ZC3H3: variants seen among roughly 807,000 people sequenced by gnomAD.
The protein encoded by ZC3H3 is zinc finger CCCH-type containing 3, also known as zinc finger CCCH domain-containing protein 3.
Under a neutral mutation model 77.3 loss-of-function variants are expected in ZC3H3, and 36 were observed. The ratio of observed to expected loss-of-function variants is 0.47; its 90% confidence interval spans 0.36 to 0.61. ZC3H3 has a LOEUF of 0.61. ZC3H3 is among the 20% of genes least tolerant of loss of function. The pLI is 0.00. For missense variants in ZC3H3, 1,331 were observed against 1,312.2 expected (o/e 1.01, Z -0.22); for synonymous variants, 626 against 555.2 (o/e 1.13, Z -1.79).
intron 3 of ZC3H3, among the ~76,000 whole-genome samples, chr8:143,516,290 G>A (rs935638651): frequency 2.6e-5 from 4 of 152,152 alleles, no homozygotes; most frequent in African/African-American, 4.8e-5. Flanking sequence ...GACCTCAAAC[G>A]CTGCAGACAG....
At chr8:143,513,357 C>T (rs966874380) in intron 3 of ZC3H3, among the ~76,000 whole-genome samples, 3 of 152,174 alleles carry the variant, frequency 2.0e-5, no homozygotes, top group Non-Finnish European at 4.4e-5. Flanking sequence ...AAGTTCCAGA[C>T]CAGCCGACAA....
intron 9 of ZC3H3, among the ~76,000 whole-genome samples, chr8:143,450,665 T>C (rs528103152): frequency 2.2e-4 from 33 of 151,730 alleles, no homozygotes; most frequent in African/African-American, 7.3e-4. Flanking sequence ...GAGCAGGAGG[T>C]CGAGAGAGGG....
At chr8:143,536,861 G>A (rs1352913661) in intron 2 of ZC3H3, among the ~76,000 whole-genome samples, 1 of 152,182 alleles carries the variant, frequency 6.6e-6, no homozygotes, top group Non-Finnish European at 1.5e-5. Context: ...AAGCCCCTCA[G>A]TAAGGGGGCA....
intron 8 of ZC3H3, among the ~76,000 whole-genome samples, chr8:143,467,824 T>TC (rs1820453609): frequency 1.1e-5 from 1 of 87,602 alleles, no homozygotes; most frequent in Non-Finnish European, 2.3e-5. Context: ...ACATACAGCT[T>TC]CCCCCCTCCT....
chr8:143,472,806 G>T (rs530408706), intron 5 of ZC3H3, among the ~76,000 whole-genome samples: 17 of 152,332 alleles, frequency 1.1e-4, no homozygotes, highest in African/African-American at 3.8e-4. Context: ...CACGGTGCAG[G>T]GAGAATCCCA....
At chr8:143,503,556 C>A (rs1194197200) in intron 4 of ZC3H3, among the ~76,000 whole-genome samples, 4 of 149,932 alleles carry the variant, frequency 2.7e-5, no homozygotes, top group Non-Finnish European at 1.5e-5. Flanking sequence ...CCAGCCATCT[C>A]CCCAACACCT....
At chr8:143,438,219 T>A (rs1296008783) in intron 11 of ZC3H3, 132 bp from the exon 12 acceptor site, 3 of 1,166,054 alleles carry the variant, frequency 2.6e-6, no homozygotes, top group Admixed American at 4.1e-5. Context: ...TCTGCAGAGA[T>A]ACCCTCCTGA....
At chr8:143,510,201 A>C (rs1346942390) in intron 3 of ZC3H3, among the ~76,000 whole-genome samples, 1 of 152,206 alleles carries the variant, frequency 6.6e-6, no homozygotes, top group Non-Finnish European at 1.5e-5. Context: ...CAGCCCACTC[A>C]GGCTGGGCAG....
intron 4 of ZC3H3, among the ~76,000 whole-genome samples, chr8:143,483,873 A>G (rs139974372): frequency 0.026 from 3,995 of 152,284 alleles, 173 homozygotes; most frequent in African/African-American, 0.091. Context: ...GGGCTCCGGC[A>G]CCATGGCCAG....
At chr8:143,497,229 C>A (rs1821377308) in intron 4 of ZC3H3, among the ~76,000 whole-genome samples, 1 of 152,308 alleles carries the variant, frequency 6.6e-6, no homozygotes, top group African/African-American at 2.4e-5. Context: ...AGGAGCCACA[C>A]AACTATTCTC....
intron 4 of ZC3H3, among the ~76,000 whole-genome samples, chr8:143,507,373 A>G (rs1821734429): frequency 6.6e-6 from 1 of 152,220 alleles, no homozygotes; most frequent in South Asian, 2.1e-4. Context: ...AGCCTCTCCC[A>G]CCAGAAGCTT....
At chr8:143,541,264 G>T in intron 1 of ZC3H3, 112 bp downstream of exon 1, 1 of 1,553,610 alleles carries the variant, frequency 6.4e-7, no homozygotes, top group Non-Finnish European at 8.7e-7. Flanking sequence ...CACCCCAGCC[G>T]CCACCCAGAA....
At chr8:143,475,256 T>C (rs1436981087) in intron 5 of ZC3H3, 142 bp downstream of exon 5, 3 of 1,048,488 alleles carry the variant, frequency 2.9e-6, no homozygotes, top group Admixed American at 2.9e-5. Context: ...ATGAGGCCCC[T>C]GACCTCCTCC....
chr8:143,448,112 G>A (rs549410765), intron 9 of ZC3H3, among the ~76,000 whole-genome samples: 1 of 151,766 alleles, frequency 6.6e-6, no homozygotes, highest in African/African-American at 2.4e-5. Context: ...GGCAAAAAGA[G>A]TGAAACTCTG....
chr8:143,485,738 A>G (rs1821033964), intron 4 of ZC3H3, among the ~76,000 whole-genome samples: 1 of 152,246 alleles, frequency 6.6e-6, no homozygotes, highest in Admixed American at 6.5e-5. Flanking sequence ...AAACATCCAC[A>G]ACAAAAACAA....
chr8:143,538,270 G>A lies in ZC3H3; in HGVS notation c.1097C>T (p.Thr366Met), dbSNP rs200873093. The A allele has an allele frequency of 9.3e-6, 15 of 1,612,884 alleles. No homozygotes were observed. Among genetic ancestry groups the A allele is most frequent in the South Asian group, 3.3e-5 (3 of 91,090 alleles). The stretch of plus-strand genomic sequence containing the variant: ...GGGGGCAGACCCTGGCTTGGAGGAC[G>A]TGGCTGGCTTCCTGGGCTTGGGCTC... ...DPEPKPRKPATSSKPGSAPSK... is the reference protein window; with the variant it reads ...DPEPKPRKPAMSSKPGSAPSK... Residue 366 changes from threonine to methionine, a missense_variant, in exon 2 of 12, where the codon ACG (threonine) becomes ATG (methionine). By Grantham distance (81) the Thr-to-Met change is moderately conservative. Around this residue, in one of 3 missense-constraint regions of ZC3H3, gnomAD observed 978 missense variants for 915.5 expected, o/e 1.07. Transcript: ENST00000262577.
Position 143,468,478 on chromosome 8 carries a change from T to C in ZC3H3, c.2009A>G (p.Lys670Arg). The C allele has an allele frequency of 6.2e-7, 1 of 1,609,132 alleles. No homozygotes were observed. ...RQARQRREKR[K>R]EYCMYYNRFG... ...GCGGTTGTAGTACATGCAGTACTCC[T>C]TCCTCTTCTCCCTGCGCTGCCGCGC... The change falls in exon 7 of 12, where the codon AAG (lysine) becomes AGG (arginine). Residue 670 changes from lysine to arginine, a missense_variant. Physicochemically the swap from Lys to Arg is conservative, Grantham distance 26 (BLOSUM62 2). Transcript: ENST00000262577.
chr8:143,489,201 A>T (rs1821129795), intron 4 of ZC3H3, among the ~76,000 whole-genome samples: 1 of 152,192 alleles, frequency 6.6e-6, no homozygotes, highest in Admixed American at 6.5e-5. Context: ...GACACCAGAG[A>T]AAGGTTGGAG....
intron 9 of ZC3H3, among the ~76,000 whole-genome samples, chr8:143,447,662 G>C (rs1366423316): frequency 6.6e-6 from 1 of 152,202 alleles, no homozygotes; most frequent in Non-Finnish European, 1.5e-5. Flanking sequence ...CTGCTTCTGG[G>C]GAGGCCTCAG....
Sources: gnomAD v4.1 joint callset for allele counts (sites outside exome capture counted in the v4.1 genomes callset) on GRCh38, gnomAD v4.1.1 for gene constraint, gnomAD v4.1.1 regional missense constraint, MANE v1.5 for transcripts, NCBI Gene and HGNC (gene_info 2026-07-23, HGNC 2026-07-21) for gene names.